FRMD4A: variants seen among roughly 807,000 people sequenced by gnomAD.
FRMD4A encodes FERM domain-containing protein 4A.
In FRMD4A, 29 loss-of-function variants were observed where a neutral mutation model predicts 129.1. The ratio of observed to expected loss-of-function variants is 0.22; its 90% CI spans 0.17 to 0.31. FRMD4A has a LOEUF of 0.31. Among genes scored for constraint, FRMD4A ranks in the 10% least tolerant of loss-of-function variants. FRMD4A has a pLI of 1.00. For missense variants in FRMD4A, 1,272 were observed against 1,375.8 expected (o/e 0.92, Z 1.19); for synonymous variants, 634 against 571.6 (o/e 1.11, Z -1.56).
chr10:13,811,773 T>C (rs2130877554), intron 3 of FRMD4A, among the ~76,000 whole-genome samples: 1 of 152,186 alleles, frequency 6.6e-6, no homozygotes, highest in African/African-American at 2.4e-5. Flanking sequence ...AGAAGAGTTA[T>C]TTCTAAACTA....
intron 12 of FRMD4A, among the ~76,000 whole-genome samples, chr10:13,713,417 A>C (rs1326124710): frequency 6.6e-6 from 1 of 152,212 alleles, no homozygotes; most frequent in Non-Finnish European, 1.5e-5. Context: ...TATAAGAAGA[A>C]TTAGACTCAT....
At chr10:14,299,300 T>A (rs995469905) in intron 2 of FRMD4A, among the ~76,000 whole-genome samples, 1 of 152,138 alleles carries the variant, frequency 6.6e-6, no homozygotes, top group Non-Finnish European at 1.5e-5. Context: ...CTTACCCCAA[T>A]GGACTGGTTC....
intron 12 of FRMD4A, among the ~76,000 whole-genome samples, chr10:13,716,463 G>A (rs1466731942): frequency 2.0e-5 from 3 of 152,170 alleles, no homozygotes; most frequent in African/African-American, 4.8e-5. Context: ...CACTGAAAGA[G>A]GCATCTATCT....
intron 8 of FRMD4A, among the ~76,000 whole-genome samples, chr10:13,756,438 G>A (rs11258583): frequency 0.022 from 3,308 of 152,146 alleles, 119 homozygotes; most frequent in African/African-American, 0.075. Flanking sequence ...TCACTGCAGC[G>A]GCAGCCTCTG....
intron 2 of FRMD4A, among the ~76,000 whole-genome samples, chr10:13,908,690 G>A (rs1008693368): frequency 3.3e-5 from 5 of 152,090 alleles, no homozygotes; most frequent in Admixed American, 6.6e-5. Context: ...CTCCTCTTCC[G>A]GGAATTCATT....
At chr10:14,078,980 C>T (rs766517551) in intron 2 of FRMD4A, among the ~76,000 whole-genome samples, 2 of 152,186 alleles carry the variant, frequency 1.3e-5, no homozygotes, top group Non-Finnish European at 1.5e-5. Flanking sequence ...GAAGGGTTTC[C>T]CTCAGAGCTT....
chr10:13,814,628 G>C (rs2093508743), intron 3 of FRMD4A, among the ~76,000 whole-genome samples: 1 of 129,408 alleles, frequency 7.7e-6, no homozygotes, highest in Non-Finnish European at 1.7e-5. Context: ...GAAAGAGAGA[G>C]AGAAAAAAAA....
At chr10:13,687,116 C>T (rs1432111403) in intron 15 of FRMD4A, among the ~76,000 whole-genome samples, 1 of 152,100 alleles carries the variant, frequency 6.6e-6, no homozygotes, top group African/African-American at 2.4e-5. Flanking sequence ...CATCATGAAA[C>T]CCCATCTCTA....
At chr10:14,137,728 CAT>C (rs1839615905) in intron 2 of FRMD4A, among the ~76,000 whole-genome samples, 2 of 152,172 alleles carry the variant, frequency 1.3e-5, no homozygotes, top group Non-Finnish European at 2.9e-5. Flanking sequence ...CCATCAATTG[CAT>C]ATATGTTTTT....
In FRMD4A at chr10:13,794,739, T is replaced by C. The variant is rs79934940; in HGVS notation, c.299+1757A>G. 3.2e-3 allele frequency among the ~76,000 whole-genome samples: 494 copies of C among 152,328 alleles called. 22 individuals carry two copies. The East Asian group carries it at 0.081, about 25-fold the overall frequency. ...ATTCTTCTCTCTAAGGAGTGTTCTT[T>C]GAGGTTCTTGCTTTGGCCGACCATC... On this transcript the variant is annotated intron_variant, in intron 5 of 24. Coordinates refer to ENST00000357447, the MANE Select transcript of FRMD4A (RefSeq NM_018027.5).
At chr10:14,022,742 G>C (rs141737740) in intron 2 of FRMD4A, among the ~76,000 whole-genome samples, 1 of 152,086 alleles carries the variant, frequency 6.6e-6, no homozygotes, top group African/African-American at 2.4e-5. Context: ...GAAAAGATGG[G>C]TTGTATTTAG....
chr10:13,982,496 GA>G (rs1237281858), intron 2 of FRMD4A, among the ~76,000 whole-genome samples: 30 of 127,282 alleles, frequency 2.4e-4, no homozygotes, highest in Non-Finnish European at 3.9e-4. Context: ...GAGGGGAGGG[GA>G]GGGGGGGGAA....
At position 13,832,053 on chromosome 10, in the gene FRMD4A, T is replaced by A. The variant is rs970300084; in HGVS notation, c.112-21145A>T. On this transcript the variant is annotated intron_variant, in intron 3 of 24. Coordinates refer to ENST00000357447, the MANE Select transcript of FRMD4A (RefSeq NM_018027.5). ...CAAAAGCAAAATGAAAACCCTGGCC[T>A]GGACTTCCATTCTAATGTGCATGAG... is the stretch of plus-strand genomic sequence containing the variant. 2.0e-5 allele frequency among the ~76,000 whole-genome samples: 3 copies of A among 152,282 alleles called. No homozygotes were observed. In the East Asian group the frequency reaches 5.8e-4, roughly 29 times the overall value.
In FRMD4A at chr10:13,874,969, G is replaced by A. The variant is rs72772706; in HGVS notation, c.46-16057C>T. The stretch of plus-strand genomic sequence containing the variant: ...GTGACTACAGGGGTGAGTATAAGAT[G>A]CTATGGGATGGGGACGGGGGGACAC... On this transcript the variant is annotated intron_variant, in intron 2 of 24. Transcript: ENST00000357447. Among the ~76,000 whole-genome samples, 1,020 of 152,240 alleles carry A rather than the reference G, an allele frequency of 6.7e-3. 5 individuals carry two copies. The highest frequency in any genetic ancestry group is 0.011 in the Non-Finnish European group (718 of 68,018).
intron 2 of FRMD4A, among the ~76,000 whole-genome samples, chr10:14,325,102 T>A (rs571515381): frequency 1.2e-3 from 176 of 152,352 alleles, no homozygotes; most frequent in African/African-American, 4.0e-3. Flanking sequence ...GGACAACATC[T>A]GCAAACGCAC....
intron 2 of FRMD4A, among the ~76,000 whole-genome samples, chr10:13,867,887 A>G (rs1037993402): frequency 1.4e-5 from 2 of 141,564 alleles, no homozygotes; most frequent in African/African-American, 5.2e-5. Context: ...AATAATATAT[A>G]ATATACAATA....
rs117554239 is a variant in FRMD4A, at chr10:13,865,009, C to T, written c.46-6097G>A. On this transcript the variant is annotated intron_variant, in intron 2 of 24. Coordinates refer to ENST00000357447, the MANE Select transcript of FRMD4A (RefSeq NM_018027.5). ...TATTTTTTTGAGAAAGGGTCTTGCT[C>T]TGTTGTCCAGGCTGGTGTGCAATGG... is the stretch of plus-strand genomic sequence containing the variant. Among the ~76,000 whole-genome samples the T allele has an allele frequency of 0.015, 2,228 of 152,230 alleles. 136 individuals carry two copies. The East Asian group carries it at 0.19, about 13-fold the overall frequency.
intron 21 of FRMD4A, among the ~76,000 whole-genome samples, chr10:13,658,051 G>A (rs1301539593): frequency 6.7e-6 from 1 of 149,284 alleles, no homozygotes; most frequent in African/African-American, 2.5e-5. Flanking sequence ...GTTGAAGAGG[G>A]AGGATCACTT....
chr10:13,970,296 G>T (rs12252807), intron 2 of FRMD4A, among the ~76,000 whole-genome samples: 1 of 120,360 alleles, frequency 8.3e-6, no homozygotes, highest in African/African-American at 5.9e-5. Context: ...TCTACCCCCC[G>T]CCTGCCCAGG....
Sources: gnomAD v4.1 joint callset for allele counts (sites outside exome capture counted in the v4.1 genomes callset) on GRCh38, gnomAD v4.1.1 for gene constraint, MANE v1.5 for transcripts, NCBI Gene and HGNC (gene_info 2026-07-23, HGNC 2026-07-21) for gene names.